The following CSMD1 variants were observed in gnomAD, a reference collection of about 807,000 sequenced individuals.
CSMD1 encodes CUB and sushi domain-containing protein 1.
CSMD1 carries 213 observed loss-of-function variants against 417.5 expected under a neutral mutation model. The ratio of observed to expected loss-of-function variants is 0.51; its 90% CI spans 0.46 to 0.57. CSMD1 has a LOEUF of 0.57. CSMD1 is among the 20% of genes least tolerant of loss of function. The pLI is 0.00. For synonymous variants in CSMD1, 2,862 were observed against 1,736.8 expected (o/e 1.65, Z -16.11); for missense variants, 6,923 against 4,529.7 (o/e 1.53, Z -15.17).
intron 2 of CSMD1, among the ~76,000 whole-genome samples, chr8:4,576,047 A>G (rs956740472): frequency 3.3e-5 from 5 of 152,214 alleles, no homozygotes; most frequent in African/African-American, 1.2e-4. Flanking sequence ...ATTATCTTTC[A>G]ACATCCACTC....
Position 2,986,559 on chromosome 8 carries a change from C to T in CSMD1, c.8378-7759G>A, listed in dbSNP as rs1325807227. Among the ~76,000 whole-genome samples, 4 of 152,216 alleles carry T rather than the reference C, an allele frequency of 2.6e-5. No homozygotes were observed. In the South Asian group the frequency reaches 8.3e-4, roughly 32 times the overall value. On this transcript the variant is annotated intron_variant, in intron 54 of 69. Coordinates refer to ENST00000635120, the MANE Select transcript of CSMD1 (RefSeq NM_033225.6). ...ACTCTGGCTCACCCAGGCTGGAGTG[C>T]AATGGCGCGATCTCAGCTCACTGCA...
intron 6 of CSMD1, among the ~76,000 whole-genome samples, chr8:3,748,497 C>A (rs185722197): frequency 2.4e-4 from 36 of 152,270 alleles, no homozygotes; most frequent in African/African-American, 8.4e-4. Context: ...TTGATTTCCT[C>A]CATTCCTTCC....
chr8:3,560,054 T>C (rs147001256), intron 10 of CSMD1, among the ~76,000 whole-genome samples: 43 of 152,046 alleles, frequency 2.8e-4, no homozygotes, highest in African/African-American at 9.7e-4. Context: ...TGAGAGACAA[T>C]TGATTTTTTT....
intron 3 of CSMD1, among the ~76,000 whole-genome samples, chr8:4,380,328 A>T (rs1056936853): frequency 7.9e-5 from 12 of 152,176 alleles, no homozygotes; most frequent in Non-Finnish European, 1.6e-4. Context: ...CACCCTCCTT[A>T]CATTGTCATG....
intron 2 of CSMD1, among the ~76,000 whole-genome samples, chr8:4,543,247 C>G (rs1473404006): frequency 1.3e-5 from 2 of 152,118 alleles, no homozygotes; most frequent in African/African-American, 2.4e-5. Context: ...ATTACAGAAT[C>G]ACATCTGACG....
chr8:3,752,751 T>C (rs949886919), intron 6 of CSMD1, among the ~76,000 whole-genome samples: 3 of 150,308 alleles, frequency 2.0e-5, no homozygotes, highest in African/African-American at 4.9e-5. Context: ...AGGCAGGAAG[T>C]TCTGCGTACA....
At chr8:3,657,449 T>A (rs953525359) in intron 7 of CSMD1, among the ~76,000 whole-genome samples, 2 of 152,186 alleles carry the variant, frequency 1.3e-5, no homozygotes, top group African/African-American at 2.4e-5. Flanking sequence ...CCAACCCAAA[T>A]GCCCATCAAT....
At chr8:4,182,355 A>G (rs1450945765) in intron 3 of CSMD1, among the ~76,000 whole-genome samples, 3 of 152,246 alleles carry the variant, frequency 2.0e-5, no homozygotes, top group South Asian at 2.1e-4. Context: ...CACCTTCCAC[A>G]TGCCTTACCC....
chr8:4,780,854 A>T (rs925083111), intron 1 of CSMD1, among the ~76,000 whole-genome samples: 1 of 152,174 alleles, frequency 6.6e-6, no homozygotes, highest in Non-Finnish European at 1.5e-5. Flanking sequence ...TCCACTTAAA[A>T]CAATAATCTC....
At chr8:4,331,116 A>G (rs985777641) in intron 3 of CSMD1, among the ~76,000 whole-genome samples, 5 of 152,312 alleles carry the variant, frequency 3.3e-5, no homozygotes, top group African/African-American at 9.6e-5. Flanking sequence ...AAATGAAAAT[A>G]TATTTCCCGA....
Position 3,343,294 on chromosome 8 carries a change from T to A in CSMD1, c.3631A>T (p.Ser1211Cys). The stretch of plus-strand genomic sequence containing the variant: ...CGTGATTAAGTCGTATGTTACTTAC[T>A]GGTATAGGTGAGTTGAAAACCTTGG... Reference protein sequence around the residue: ...TDQGFQLTYTSFDLVKCEDPG... With the variant: ...TDQGFQLTYTCFDLVKCEDPG... The change falls in exon 23 of 70, where the codon AGT becomes TGT. Residue 1211 changes from serine to cysteine, a missense_variant and splice_region_variant. Ser to Cys is a moderately radical substitution (Grantham distance 112). Transcript: ENST00000635120. The A allele has an allele frequency of 6.2e-7, 1 of 1,612,544 alleles. No individual in the cohort carries two copies. The highest frequency in any genetic ancestry group is 1.3e-5 in the African/African-American group (1 of 75,012).
At position 3,053,111 on chromosome 8, in the gene CSMD1, T is replaced by C. The variant is rs1489577151; in HGVS notation, c.7475-464A>G. ...TTCTATTTCTAGGGTATGGGATAAG[T>C]ATACACATTTTCAAAATCTTAAGTA... On this transcript the variant is annotated intron_variant, in intron 49 of 69. Coordinates refer to ENST00000635120, the MANE Select transcript of CSMD1 (RefSeq NM_033225.6). Among the ~76,000 whole-genome samples, 6 of 152,278 alleles carry C rather than the reference T, an allele frequency of 3.9e-5. No individual in the cohort carries two copies. The East Asian group carries it at 1.2e-3, about 29-fold the overall frequency.
chr8:4,390,497 T>TTTTTTTATTTTTTATTTA (rs58291340), intron 3 of CSMD1, among the ~76,000 whole-genome samples: 1 of 140,324 alleles, frequency 7.1e-6, no homozygotes, highest in Non-Finnish European at 1.5e-5. Flanking sequence ...AAGCGTCCAT[T>TTTTTTTATTTTTTATTTA]TTTATTTATT....
At chr8:2,982,082 G>A (rs1034205196) in intron 54 of CSMD1, among the ~76,000 whole-genome samples, 3 of 152,154 alleles carry the variant, frequency 2.0e-5, no homozygotes, top group African/African-American at 7.2e-5. Flanking sequence ...CAGGCCAGGT[G>A]CGGTGGCTCA....
chr8:4,086,814 G>A (rs547376348), intron 3 of CSMD1, among the ~76,000 whole-genome samples: 1 of 152,264 alleles, frequency 6.6e-6, no homozygotes, highest in Non-Finnish European at 1.5e-5. Flanking sequence ...CTTAGTCTGA[G>A]ATGAAAACTT....
At chr8:3,660,711 G>C (rs138345761) in intron 7 of CSMD1, among the ~76,000 whole-genome samples, 38 of 143,348 alleles carry the variant, frequency 2.7e-4, no homozygotes, top group African/African-American at 8.7e-4. Context: ...AGTAGAGACA[G>C]GGTTTCACCA....
intron 6 of CSMD1, among the ~76,000 whole-genome samples, chr8:3,751,071 G>A (rs184018184): frequency 3.3e-5 from 5 of 152,150 alleles, no homozygotes; most frequent in African/African-American, 1.2e-4. Context: ...CGTAAATGTG[G>A]TTTTAAGCAG....
intron 23 of CSMD1, among the ~76,000 whole-genome samples, chr8:3,316,610 C>T (rs916274938): frequency 6.6e-6 from 1 of 152,098 alleles, no homozygotes; most frequent in Non-Finnish European, 1.5e-5. Flanking sequence ...GTGGAAAAGG[C>T]TTCAAATCGC....
At chr8:4,007,516 A>T (rs980112160) in intron 4 of CSMD1, among the ~76,000 whole-genome samples, 1 of 150,618 alleles carries the variant, frequency 6.6e-6, no homozygotes, top group Non-Finnish European at 1.5e-5. Context: ...CCATATTTAA[A>T]CTAGCACTCA....
Sources: allele counts gnomAD v4.1 joint callset (sites outside exome capture counted in the v4.1 genomes callset), GRCh38; gene constraint gnomAD v4.1.1; transcripts MANE v1.5; gene names NCBI Gene and HGNC (gene_info 2026-07-23, HGNC 2026-07-21).